Variants in INF2 observed in about 807,000 individuals in gnomAD.
INF2 encodes inverted formin 2, also known as inverted formin-2.
A neutral mutation model predicts 123.5 loss-of-function variants in INF2; 43 were observed. The ratio of observed to expected loss-of-function variants is 0.35; its 90% CI spans 0.27 to 0.45. INF2 has a LOEUF of 0.45. Among genes scored for constraint, INF2 ranks in the 20% least tolerant of loss-of-function variants. INF2 has a pLI of 1.00. For synonymous variants in INF2, 851 were observed against 745.0 expected (o/e 1.14, Z -2.32); for missense variants, 1,453 against 1,682.7 (o/e 0.86, Z 2.39).
intron 10 of INF2, 48 bp downstream of exon 10, chr14:104,708,780 C>T (rs376327777): frequency 1.9e-5 from 30 of 1,587,502 alleles, no homozygotes; most frequent in Middle Eastern, 1.7e-4. Context: ...GCCTCGCCTC[C>T]ACCTGAGCCT....
Position 104,710,116 on chromosome 14 carries a change from CTG to C in INF2, c.2172_2173del (p.Cys724Ter). 1.3e-6 allele frequency: 2 copies of C among 1,553,028 alleles called. No homozygotes were observed. Among genetic ancestry groups the C allele is most frequent in the Non-Finnish European group, 1.7e-6 (2 of 1,148,792 alleles). ...CYQLRIECML[L>X]CEGAAAVLDM... ...CCAGCTGCGAATCGAGTGCATGCTG[CTG>C]TGTGAGGGCGCGGCCGCCGTGCTGG... On this transcript the variant is annotated frameshift_variant, in exon 13 of 23. Coordinates refer to ENST00000392634, the MANE Select transcript of INF2 (RefSeq NM_022489.4). LOFTEE classifies it high-confidence loss of function.
chr14:104,682,783 C>T (rs1888557365), intron 1 of INF2, among the ~76,000 whole-genome samples: 1 of 152,158 alleles, frequency 6.6e-6, no homozygotes, highest in African/African-American at 2.4e-5. Flanking sequence ...AGGGCCACCC[C>T]AGCAGTGGCC....
chr14:104,716,839 C>CGCCA (rs1179497704), intron 22 of INF2, among the ~76,000 whole-genome samples: 1 of 152,182 alleles, frequency 6.6e-6, no homozygotes, highest in Non-Finnish European at 1.5e-5. Context: ...CACAGGCACA[C>CGCCA]GCCACCACGC....
intron 21 of INF2, among the ~76,000 whole-genome samples, 159 bp downstream of exon 21, chr14:104,715,015 G>A (rs1360488909): frequency 6.6e-6 from 1 of 152,206 alleles, no homozygotes. Context: ...TCCACCGCAG[G>A]GCGGCTATGT....
intron 5 of INF2, chr14:104,704,484 G>T (rs1042438908): frequency 2.6e-5 from 5 of 189,366 alleles, no homozygotes; most frequent in African/African-American, 1.2e-4. Context: ...TGAGCGGTGG[G>T]CGGGCATTCC....
At position 104,714,403 on chromosome 14, in the gene INF2, G is replaced by T. The variant is rs571986941; in HGVS notation, c.3241G>T (p.Asp1081Tyr). 1.4e-5 allele frequency: 23 copies of T among 1,604,074 alleles called. No individual in the cohort carries two copies. The African/African-American group carries it at 2.9e-4, about 20-fold the overall frequency. The change falls in exon 21 of 23, where the codon GAT becomes TAT. Residue 1081 changes from aspartate to tyrosine, a missense_variant. Asp to Tyr is a radical substitution (Grantham distance 160, BLOSUM62 -3). This residue lies in a region of INF2 where 344 missense variants were observed against 333.1 expected (regional missense o/e 1.03). Coordinates refer to ENST00000392634, the MANE Select transcript of INF2 (RefSeq NM_022489.4). ...PLERRSSWYV[D>Y]ASDVLTTEDP... is the part of the protein sequence containing the mutation. The stretch of plus-strand genomic sequence containing the variant: ...GGAGAGGCGTTCTTCCTGGTATGTG[G>T]ATGCCAGCGATGTCCTAACCACTGA...
At chr14:104,718,434 T>A (rs1239369995) in intron 22 of INF2, among the ~76,000 whole-genome samples, 1 of 146,938 alleles carries the variant, frequency 6.8e-6, no homozygotes, top group Non-Finnish European at 1.5e-5. Flanking sequence ...GTGGAAGCAA[T>A]GGAGGGCTGC....
intron 1 of INF2, among the ~76,000 whole-genome samples, chr14:104,700,526 G>T (rs1889426366): frequency 6.6e-6 from 1 of 152,194 alleles, no homozygotes; most frequent in African/African-American, 2.4e-5. Flanking sequence ...CAGTTCCCAG[G>T]GTCTGTGGTT....
chr14:104,711,252 C>T (rs1242605839), intron 15 of INF2, 66 bp downstream of exon 15: 20 of 1,333,780 alleles, frequency 1.5e-5, no homozygotes, highest in East Asian at 2.5e-5. Context: ...GGTGTAGAGG[C>T]GTAGAGGCCA....
intron 22 of INF2, among the ~76,000 whole-genome samples, chr14:104,718,443 G>C (rs1300699359): frequency 1.3e-5 from 2 of 152,128 alleles, no homozygotes; most frequent in Non-Finnish European, 2.9e-5. Flanking sequence ...ATGGAGGGCT[G>C]CAGGGGGTGG....
At chr14:104,696,662 C>T (rs918200507) in intron 1 of INF2, among the ~76,000 whole-genome samples, 30 of 152,196 alleles carry the variant, frequency 2.0e-4, no homozygotes, top group Admixed American at 2.0e-4. Flanking sequence ...CCCAGAACCC[C>T]GGGGTGCTGC....
chr14:104,710,339 C>G (rs1264194955), intron 13 of INF2, 151 bp downstream of exon 13: 2 of 611,180 alleles, frequency 3.3e-6, no homozygotes, highest in African/African-American at 3.8e-5. Context: ...CCGGAAACCA[C>G]CCTGCTGCCA....
chr14:104,711,250 G>A, intron 15 of INF2, 64 bp downstream of exon 15: 2 of 1,348,440 alleles, frequency 1.5e-6, no homozygotes, highest in East Asian at 5.0e-5. Context: ...GGGGTGTAGA[G>A]GCGTAGAGGC....
At position 104,702,914 on chromosome 14, in the gene INF2, G is replaced by A. The variant is rs531381493; in HGVS notation, c.392-191G>A. On this transcript the variant is annotated intron_variant, in intron 2 of 22. Transcript: ENST00000392634. ...CTGCAGGGTCTGGCCCTGTGGTCCA[G>A]GAGCAGGGCCAGGACACCGAGGAGT... Among the ~76,000 whole-genome samples the A allele has an allele frequency of 4.3e-3, 656 of 152,364 alleles. 6 individuals are homozygous for A. Among genetic ancestry groups the A allele is most frequent in the Non-Finnish European group, 6.8e-3 (460 of 68,018 alleles).
At position 104,713,007 on chromosome 14, in the gene INF2, C is replaced by G; in HGVS notation, c.2775+15C>G. On this transcript the variant is annotated intron_variant, in intron 18 of 22. Coordinates refer to ENST00000392634, the MANE Select transcript of INF2 (RefSeq NM_022489.4). ...GCGCCCTGAAGGTGGGGCAGCCCGG[C>G]GGGACACAGCCTGTCTGGCTAGAGT... The G allele has an allele frequency of 6.2e-7, 1 of 1,611,784 alleles. No homozygotes were observed. The highest frequency in any genetic ancestry group is 1.1e-5 in the South Asian group (1 of 91,056).
In INF2 at chr14:104,713,271, A is replaced by AGGAGGCGCGGCGGCCTCG; in HGVS notation, c.2843_2860dup (p.Glu948_Arg953dup). On this transcript the variant is annotated inframe_insertion, in exon 19 of 23. Transcript: ENST00000392634. ...AGGAGGAAGCAGCAGCTGGCGGAGG[A>AGGAGGCGCGGCGGCCTCG]GGAGGCGCGGCGGCCTCGGGGAGAG... 1 of 1,550,858 alleles carries AGGAGGCGCGGCGGCCTCG rather than the reference A, an allele frequency of 6.4e-7. No individual in the cohort carries two copies. Among genetic ancestry groups the AGGAGGCGCGGCGGCCTCG allele is most frequent in the Admixed American group, 2.0e-5 (1 of 51,076 alleles).
upstream of INF2, among the ~76,000 whole-genome samples, chr14:104,685,517 A>G (rs2140574786): frequency 6.7e-6 from 1 of 149,586 alleles, no homozygotes; most frequent in African/African-American, 2.4e-5. Context: ...TGTCCTTGTC[A>G]GCAAGCATAG....
chr14:104,681,255 C>T (rs1396537909), exon 1 of INF2: 1 of 350,194 alleles, frequency 2.9e-6, no homozygotes, highest in Non-Finnish European at 5.7e-6. Flanking sequence ...CAGCGCCCCA[C>T]TGTAATAGGG....
In INF2 at chr14:104,714,812, G is replaced by A. The variant is rs762917048; in HGVS notation, c.3650G>A (p.Gly1217Glu). 4.4e-6 allele frequency: 7 copies of A among 1,595,294 alleles called. No homozygotes were observed. Among genetic ancestry groups the A allele is most frequent in the Middle Eastern group, 3.3e-4 (2 of 5,982 alleles). ...AGGGCCCGGGGCCGGGCCTCAAAGGGGACCGGGAAGCGAAGGAAGAAGCGT... is the reference window on the plus strand; with the variant it reads ...AGGGCCCGGGGCCGGGCCTCAAAGGAGACCGGGAAGCGAAGGAAGAAGCGT... Reference protein sequence around the residue: ...LPRARGRASKGTGKRRKKRPS... With the variant: ...LPRARGRASKETGKRRKKRPS... The change falls in exon 21 of 23, where the codon GGG becomes GAG. Residue 1217 changes from glycine to glutamate, a missense_variant. By Grantham distance (98) the Gly-to-Glu change is moderately conservative. Transcript: ENST00000392634.
Sources: gnomAD v4.1 joint callset for allele counts (sites outside exome capture counted in the v4.1 genomes callset) on GRCh38, gnomAD v4.1.1 for gene constraint, gnomAD v4.1.1 regional missense constraint, MANE v1.5 for transcripts, NCBI Gene and HGNC (gene_info 2026-07-23, HGNC 2026-07-21) for gene names.